Variants in GRIP1 observed in about 807,000 individuals in gnomAD.
GRIP1 encodes glutamate receptor interacting protein 1.
A neutral mutation model predicts 129.9 loss-of-function variants in GRIP1; 45 were observed. That is an observed-to-expected ratio of 0.35 (90% CI 0.27 to 0.44). The LOEUF (loss-of-function observed/expected upper bound fraction) is 0.44, where lower values mean the gene tolerates loss of function less well. Among genes scored for constraint, GRIP1 ranks in the 20% least tolerant of loss-of-function variants. GRIP1 has a pLI of 1.00. For missense variants in GRIP1, 1,196 were observed against 1,396.8 expected (o/e 0.86, Z 2.29); for synonymous variants, 530 against 520.8 (o/e 1.02, Z -0.24).
intron 19 of GRIP1, among the ~76,000 whole-genome samples, chr12:66,384,578 CAA>C (rs2056270384): frequency 6.6e-6 from 1 of 152,138 alleles, no homozygotes; most frequent in African/African-American, 2.4e-5. Context: ...AGATAACCAT[CAA>C]AAGAGGGTTT....
intron 2 of GRIP1, among the ~76,000 whole-genome samples, chr12:66,586,552 T>G (rs2063645379): frequency 6.6e-6 from 1 of 152,144 alleles, no homozygotes; most frequent in Non-Finnish European, 1.5e-5. Context: ...GCTTCAAAAT[T>G]TCTATCTCCA....
rs112054456 is a variant in GRIP1 at position 66,553,737 on chromosome 12, A to G, written c.137-11787T>C. Among the ~76,000 whole-genome samples the G allele has an allele frequency of 4.2e-3, 632 of 151,848 alleles. 5 individuals are homozygous for G. Among genetic ancestry groups the G allele is most frequent in the African/African-American group, 0.015 (601 of 41,408 alleles). On this transcript the variant is annotated intron_variant, in intron 2 of 24. Transcript: ENST00000359742. The stretch of plus-strand genomic sequence containing the variant: ...GCATGTCTCATGGCACGAAGAATTT[A>G]TGAGCTTGGGGGAGGAAAAGTGCTG...
At chr12:66,872,122 C>T (rs896965040) in intron 1 of GRIP1, among the ~76,000 whole-genome samples, 1 of 152,068 alleles carries the variant, frequency 6.6e-6, no homozygotes, top group Non-Finnish European at 1.5e-5. Flanking sequence ...AGTTCCAAGA[C>T]TCCCTTCCAG....
chr12:66,849,405 A>G (rs536251228), intron 1 of GRIP1, among the ~76,000 whole-genome samples: 4 of 152,260 alleles, frequency 2.6e-5, no homozygotes, highest in African/African-American at 9.6e-5. Flanking sequence ...TAACACTGCA[A>G]TCCATGTTAT....
intron 1 of GRIP1, among the ~76,000 whole-genome samples, chr12:66,627,218 G>C (rs966631366): frequency 2.6e-5 from 4 of 151,074 alleles, no homozygotes; most frequent in African/African-American, 9.9e-5. Flanking sequence ...CTATCCTTAA[G>C]ATGTTTCTGT....
rs141972417 is a variant in GRIP1, at chr12:67,054,710, G to A, written c.58+14340C>T. ...ACCCGGGAGGTAGAGGCTGCAGTGA[G>A]CCAAGATTGCACCACTGCACTCCAG... On this transcript the variant is annotated intron_variant, in intron 1 of 1. Coordinates refer to the GRIP1 transcript ENST00000643019. 5.9e-3 allele frequency among the ~76,000 whole-genome samples: 899 copies of A among 151,358 alleles called. 6 individuals are homozygous for A. The highest frequency in any genetic ancestry group is 0.014 in the Middle Eastern group (4 of 292).
intron 1 of GRIP1, among the ~76,000 whole-genome samples, chr12:66,857,601 C>T (rs953322394): frequency 1.3e-5 from 2 of 150,596 alleles, no homozygotes; most frequent in Non-Finnish European, 3.0e-5. Context: ...TCCTCAAGCA[C>T]AGAATTGAAG....
chr12:66,898,965 G>A (rs767669394), intron 1 of GRIP1, among the ~76,000 whole-genome samples: 1 of 152,142 alleles, frequency 6.6e-6, no homozygotes, highest in African/African-American at 2.4e-5. Context: ...CATTATGACA[G>A]AGCATGCATG....
intron 15 of GRIP1, among the ~76,000 whole-genome samples, chr12:66,411,936 A>T (rs947329681): frequency 7.2e-5 from 11 of 152,362 alleles, no homozygotes; most frequent in South Asian, 4.1e-4. Flanking sequence ...TAGAGAAAAG[A>T]GAATAAAAAG....
intron 1 of GRIP1, among the ~76,000 whole-genome samples, chr12:66,816,413 TC>T (rs1268602527): frequency 7.9e-5 from 12 of 152,192 alleles, no homozygotes; most frequent in Non-Finnish European, 1.6e-4. Context: ...GGCACTCAGT[TC>T]CTGTATATTG....
intron 1 of GRIP1, among the ~76,000 whole-genome samples, chr12:66,986,306 G>A (rs1449630219): frequency 6.6e-6 from 1 of 151,958 alleles, no homozygotes; most frequent in Admixed American, 6.6e-5. Context: ...AATACCATTT[G>A]ACCCAGCCAT....
In GRIP1 at chr12:67,009,735, C is replaced by A. The variant is rs148596490; in HGVS notation, c.58+59315G>T. On this transcript the variant is annotated intron_variant, in intron 1 of 1. Coordinates refer to the GRIP1 transcript ENST00000643019. ...AAATCATAGGACTCAATTAGAGCTA[C>A]TCAATAAAGTCTGTGCATTTTTAAA... Among the ~76,000 whole-genome samples the A allele has an allele frequency of 7.0e-4, 107 of 152,222 alleles. 1 individual carries two copies. The highest frequency in any genetic ancestry group is 6.8e-3 in the Middle Eastern group (2 of 294).
intron 1 of GRIP1, among the ~76,000 whole-genome samples, chr12:66,920,246 C>T (rs1345682400): frequency 2.6e-5 from 4 of 152,060 alleles, no homozygotes; most frequent in Non-Finnish European, 2.9e-5. Flanking sequence ...GGTTCTCTTC[C>T]ACCTAATTAA....
chr12:66,533,879 A>ACTCTCTC lies in GRIP1; in HGVS notation c.419-3966_419-3965insGAGAGAG, dbSNP rs879391301. Among the ~76,000 whole-genome samples, 168 of 131,188 alleles carry ACTCTCTC rather than the reference A, an allele frequency of 1.3e-3. 1 individual carries two copies. Among genetic ancestry groups the ACTCTCTC allele is most frequent in the East Asian group, 4.2e-3 (21 of 4,978 alleles). 86.1% of individuals were successfully genotyped at this position (131,188 alleles called of 152,430 possible). A position where few individuals can be genotyped will look rare whatever the true frequency, so the allele number is the denominator to read the frequency against. ...CACACACACTCACACACACACACAC[A>ACTCTCTC]TACACACACTCTCTCTCTCTCTCTC... On this transcript the variant is annotated intron_variant, in intron 4 of 24. Transcript: ENST00000359742.
intron 23 of GRIP1, among the ~76,000 whole-genome samples, chr12:66,363,697 C>A (rs893447854): frequency 6.6e-6 from 1 of 151,712 alleles, no homozygotes; most frequent in African/African-American, 2.4e-5. Context: ...TGTGGATGAA[C>A]CTAGAGGACA....
At chr12:66,563,178 C>G (rs1324177547) in intron 2 of GRIP1, among the ~76,000 whole-genome samples, 2 of 151,466 alleles carry the variant, frequency 1.3e-5, no homozygotes. Context: ...ACTATATACA[C>G]TGTGTGTGTG....
intron 1 of GRIP1, among the ~76,000 whole-genome samples, chr12:67,046,667 G>C (rs914531959): frequency 2.0e-5 from 3 of 152,018 alleles, no homozygotes; most frequent in Non-Finnish European, 4.4e-5. Flanking sequence ...CAAGCACAAA[G>C]TATAAAAACA....
intron 19 of GRIP1, among the ~76,000 whole-genome samples, chr12:66,390,326 T>C (rs1243998005): frequency 6.6e-6 from 1 of 152,014 alleles, no homozygotes; most frequent in Non-Finnish European, 1.5e-5. Context: ...AACTCTAGAG[T>C]GTTCTATATA....
intron 1 of GRIP1, among the ~76,000 whole-genome samples, chr12:66,956,290 G>C (rs960922905): frequency 5.3e-5 from 8 of 152,118 alleles, no homozygotes; most frequent in Non-Finnish European, 1.2e-4. Flanking sequence ...GAGGTCCCTC[G>C]ATTGGGGTTT....
Sources: allele counts gnomAD v4.1 joint callset (sites outside exome capture counted in the v4.1 genomes callset), GRCh38; gene constraint gnomAD v4.1.1; transcripts MANE v1.5; gene names NCBI Gene and HGNC (gene_info 2026-07-23, HGNC 2026-07-21).